HDGF: variants seen among roughly 807,000 people sequenced by gnomAD.
HDGF encodes the protein heparin binding growth factor.
A neutral mutation model predicts 30.0 loss-of-function variants in HDGF; 5 were observed. That is an observed-to-expected ratio of 0.17 (90% CI 0.09 to 0.35). The LOEUF (loss-of-function observed/expected upper bound fraction) is 0.35. HDGF is among the 10% of genes least tolerant of loss of function. The probability of loss-of-function intolerance (pLI) is 1.00; values close to 1 mark genes in which losing one functional copy is unlikely to be tolerated. For synonymous variants in HDGF, 133 were observed against 112.7 expected (o/e 1.18, Z -1.14); for missense variants, 214 against 302.8 (o/e 0.71, Z 2.18).
chr1:156,758,319 C>T (rs1478999115), intron 2 of HDGF, among the ~76,000 whole-genome samples: 2 of 146,962 alleles, frequency 1.4e-5, no homozygotes, highest in Non-Finnish European at 1.5e-5. Flanking sequence ...AGGCCAGGCG[C>T]GGTGGCTCAC....
Position 156,743,735 on chromosome 1 carries a change from G to A in HDGF, c.633C>T (p.Pro211=), listed in dbSNP as rs140433635. 1.2e-6 allele frequency: 2 copies of A among 1,602,172 alleles called. No individual in the cohort carries two copies. The highest frequency in any genetic ancestry group is 1.7e-6 in the Non-Finnish European group (2 of 1,174,560). ...PSEPGSGRGP[P]QEEEEEEDEE... is the part of the protein sequence containing the mutation. ...CATCCTCCTCCTCTTCTTCCTCTTG[G>A]GGAGGCCCCCGGCCAGAGCCGGGCT... Residue 211 remains proline, a synonymous_variant, in exon 5 of 6, where the codon CCC becomes CCT. Coordinates refer to ENST00000357325, the MANE Select transcript of HDGF (RefSeq NM_004494.3).
intron 1 of HDGF, among the ~76,000 whole-genome samples, chr1:156,759,817 C>G (rs1651219363): frequency 6.6e-6 from 1 of 152,182 alleles, no homozygotes; most frequent in African/African-American, 2.4e-5. Flanking sequence ...TACAATGTTT[C>G]TGTGTCATAA....
At position 156,751,296 on chromosome 1, in the gene HDGF, A is replaced by C; in HGVS notation, c.87+47T>G. On this transcript the variant is annotated intron_variant, in intron 1 of 5. Coordinates refer to ENST00000357325, the MANE Select transcript of HDGF (RefSeq NM_004494.3). The surrounding 1 kb of genome is among the most constrained non-coding windows in gnomAD (Gnocchi z 4.7). ...GCTCGTGCCCTTCCCGGTGTTATGC[A>C]ACCCAAGCCCGCAGGGGGTTAGGGG... 6.3e-7 allele frequency: 1 copy of C among 1,585,970 alleles called. No individual in the cohort carries two copies. Among genetic ancestry groups the C allele is most frequent in the Non-Finnish European group, 8.6e-7 (1 of 1,164,960 alleles).
At position 156,742,232 on chromosome 1, in the gene HDGF, G is replaced by C. The variant is rs1360598124; in HGVS notation, c.*1217C>G. ...AAGGGAGAGGGGCCAGGGTAAAAGAGACGAGACTGTAGAGAGGCATAGAGA... is the reference window on the plus strand; with the variant it reads ...AAGGGAGAGGGGCCAGGGTAAAAGACACGAGACTGTAGAGAGGCATAGAGA... On this transcript the variant is annotated 3_prime_UTR_variant, in exon 6 of 6. Transcript: ENST00000357325. 1.3e-5 allele frequency: 2 copies of C among 152,662 alleles called. No individual in the cohort carries two copies. The highest frequency in any genetic ancestry group is 6.5e-5 in the Admixed American group (1 of 15,278). The allele number at this position is 152,662 out of a possible 1,614,324, so 9.5% of individuals were successfully genotyped here. A position where few individuals can be genotyped will look rare whatever the true frequency, so the allele number is the denominator to read the frequency against.
intron 3 of HDGF, 144 bp downstream of exon 3, chr1:156,744,864 G>A (rs1014823481): frequency 2.1e-6 from 2 of 937,766 alleles, no homozygotes; most frequent in Non-Finnish European, 3.3e-6. Context: ...CTTGCAGGAA[G>A]CCCCCTTCCC....
In HDGF at chr1:156,743,138, C is replaced by G. The variant is rs1440015704; in HGVS notation, c.*311G>C. The G allele has an allele frequency of 3.1e-6, 1 of 322,820 alleles. No individual in the cohort carries two copies. The highest frequency in any genetic ancestry group is 5.7e-6 in the Non-Finnish European group (1 of 176,040). The allele number at this position is 322,820 out of a possible 1,614,324, so 20.0% of individuals were successfully genotyped here. On this transcript the variant is annotated 3_prime_UTR_variant, in exon 6 of 6. Coordinates refer to ENST00000357325, the MANE Select transcript of HDGF (RefSeq NM_004494.3). ...GGTGTCAGGAGGTGGGAGCAGTTGTCCCAGGCCCCAGCAGAAGCCTGGAAA... is the reference window on the plus strand; with the variant it reads ...GGTGTCAGGAGGTGGGAGCAGTTGTGCCAGGCCCCAGCAGAAGCCTGGAAA...
At chr1:156,752,389 T>C (rs1651037541), upstream of HDGF, 1 of 1,549,110 alleles carries the variant, frequency 6.5e-7, no homozygotes, top group Non-Finnish European at 8.7e-7. Context: ...TAAGCTACTG[T>C]CTTGCCAAGG....
intron 1 of HDGF, among the ~76,000 whole-genome samples, chr1:156,765,625 C>G (rs1651348833): frequency 1.3e-5 from 2 of 151,410 alleles, no homozygotes; most frequent in Admixed American, 6.6e-5. Flanking sequence ...CAGGCGCCCG[C>G]CACCACACCA....
Position 156,743,117 on chromosome 1 carries a change from T to A in HDGF, c.*332A>T, listed in dbSNP as rs116207813. On this transcript the variant is annotated 3_prime_UTR_variant, in exon 6 of 6. Transcript: ENST00000357325. ...TGCCTAGGAGAGTGGGAGAAGGGTG[T>A]CAGGAGGTGGGAGCAGTTGTCCCAG... 7.4e-6 allele frequency: 2 copies of A among 271,708 alleles called. No individual in the cohort carries two copies. Among genetic ancestry groups the A allele is most frequent in the African/African-American group, 2.2e-5 (1 of 45,254 alleles). 16.8% of individuals were successfully genotyped at this position (271,708 alleles called of 1,614,324 possible). A position where few individuals can be genotyped will look rare whatever the true frequency, so the allele number is the denominator to read the frequency against.
At chr1:156,766,581 A>G (rs947667922) in intron 1 of HDGF, among the ~76,000 whole-genome samples, 2 of 152,200 alleles carry the variant, frequency 1.3e-5, no homozygotes, top group African/African-American at 4.8e-5. Context: ...TCCTATAAAC[A>G]TGGATGGAAA....
upstream of HDGF, among the ~76,000 whole-genome samples, chr1:156,756,056 GC>G (rs1381993392): frequency 3.3e-5 from 5 of 152,194 alleles, no homozygotes; most frequent in Admixed American, 6.5e-5. Context: ...TTCGAGACCA[GC>G]CTAGCCAACA....
intron 1 of HDGF, among the ~76,000 whole-genome samples, chr1:156,764,715 T>C (rs1651320840): frequency 6.6e-6 from 1 of 151,732 alleles, no homozygotes; most frequent in African/African-American, 2.4e-5. Context: ...TGAAACCCCG[T>C]CTCTACTAAA....
upstream of HDGF, chr1:156,752,350 C>G (rs994093127): frequency 1.3e-6 from 2 of 1,551,586 alleles, no homozygotes; most frequent in African/African-American, 2.7e-5. Flanking sequence ...AAATTGGCCA[C>G]CTTCCGGGTG....
At chr1:156,751,995 C>T, upstream of HDGF, 2 of 1,531,358 alleles carry the variant, frequency 1.3e-6, no homozygotes, top group East Asian at 2.5e-5. The surrounding 1 kb of genome is among the most constrained non-coding windows in gnomAD (Gnocchi z 4.7). Context: ...CCCGGCTGGA[C>T]GGAGCGGCCC....
At chr1:156,760,456 C>T (rs1039777982) in intron 1 of HDGF, among the ~76,000 whole-genome samples, 2 of 152,180 alleles carry the variant, frequency 1.3e-5, no homozygotes, top group African/African-American at 4.8e-5. Flanking sequence ...GGCTGGCGGA[C>T]GCTGTGGTTC....
intron 4 of HDGF, 118 bp downstream of exon 4, chr1:156,744,045 A>G (rs1245493189): frequency 9.3e-6 from 11 of 1,176,638 alleles, no homozygotes; most frequent in African/African-American, 1.5e-5. Context: ...GGACTCCCCA[A>G]GACTAGGGGC....
At chr1:156,751,737 T>A, upstream of HDGF, 7 of 864,024 alleles carry the variant, frequency 8.1e-6, no homozygotes, top group Non-Finnish European at 9.2e-6. This position sits in a 1 kb window ranked among gnomAD's most constrained non-coding sequence, Gnocchi z 4.7. Flanking sequence ...CGGTCCCCAC[T>A]CCTCCTCCTC....
At chr1:156,756,305 T>A (rs923350866), upstream of HDGF, among the ~76,000 whole-genome samples, 1 of 152,208 alleles carries the variant, frequency 6.6e-6, no homozygotes, top group Non-Finnish European at 1.5e-5. Flanking sequence ...TGGGACATAA[T>A]AAGTGCTTAA....
chr1:156,744,584 C>A, intron 3 of HDGF: 1 of 1,507,768 alleles, frequency 6.6e-7, no homozygotes, highest in African/African-American at 1.4e-5. Context: ...GAGCAGGAGG[C>A]AAAACCTCGG....
Sources: allele counts gnomAD v4.1 joint callset (sites outside exome capture counted in the v4.1 genomes callset), GRCh38; gene constraint gnomAD v4.1.1; non-coding constraint Gnocchi (gnomAD v3.1); transcripts MANE v1.5; gene names NCBI Gene and HGNC (gene_info 2026-07-23, HGNC 2026-07-21).